HLCS: variants seen among roughly 807,000 people sequenced by gnomAD.
The protein encoded by HLCS is biotin--protein ligase.
A neutral mutation model predicts 75.0 loss-of-function variants in HLCS; 53 were observed. The observed-to-expected ratio is 0.71, with a 90% CI of 0.57 to 0.89. The LOEUF is 0.89. Ranked by LOEUF, HLCS falls within the 40% of genes least tolerant of loss-of-function variation. The probability of loss-of-function intolerance (pLI) is 0.00; values close to 1 mark genes in which losing one functional copy is unlikely to be tolerated. For synonymous variants in HLCS, 431 were observed against 428.6 expected (o/e 1.01, Z -0.07); for missense variants, 966 against 1,074.0 (o/e 0.90, Z 1.41).
At chr21:36,860,410 C>G (rs1052790977) in intron 6 of HLCS, among the ~76,000 whole-genome samples, 2 of 150,224 alleles carry the variant, frequency 1.3e-5, no homozygotes, top group South Asian at 2.1e-4. Context: ...CCCAAACTAG[C>G]CACTAAAAGT....
chr21:36,963,232 GA>G (rs1482566804), intron 1 of HLCS, among the ~76,000 whole-genome samples: 3 of 152,124 alleles, frequency 2.0e-5, no homozygotes, highest in Admixed American at 1.3e-4. Flanking sequence ...AAATTGATTT[GA>G]AAAGGCTTTC....
intron 1 of HLCS, among the ~76,000 whole-genome samples, chr21:36,985,400 A>C (rs1340711092): frequency 6.6e-6 from 1 of 152,204 alleles, no homozygotes; most frequent in African/African-American, 2.4e-5. Context: ...TGGGAGGCCA[A>C]GGCGGGCGGA....
intron 6 of HLCS, among the ~76,000 whole-genome samples, chr21:36,853,914 G>A (rs747791042): frequency 3.3e-5 from 5 of 152,096 alleles, no homozygotes; most frequent in Admixed American, 6.6e-5. Flanking sequence ...TGTTTTTGTT[G>A]TAGAAAAGCA....
rs2063724029 is a variant in HLCS, at chr21:36,870,241, T to A, written c.1892+26619A>T. ...AGCTACCCCTCTGAGAAGCTGCGTC[T>A]GGACCACTGCATCTCCCCGGGAACC... On this transcript the variant is annotated intron_variant, in intron 6 of 10. Coordinates refer to ENST00000674895, the MANE Select transcript of HLCS (RefSeq NM_001352514.2). Among the ~76,000 whole-genome samples, 3 of 152,088 alleles carry A rather than the reference T, an allele frequency of 2.0e-5. 1 individual carries two copies. In the South Asian group the frequency reaches 6.2e-4, roughly 32 times the overall value.
chr21:36,767,797 T>C (rs2090092999), intron 6 of HLCS, among the ~76,000 whole-genome samples: 1 of 152,206 alleles, frequency 6.6e-6, no homozygotes, highest in East Asian at 1.9e-4. Flanking sequence ...CACTATCCCC[T>C]GAGAACTAAT....
At chr21:36,806,754 AAATG>A (rs1304359808) in intron 6 of HLCS, among the ~76,000 whole-genome samples, 9 of 152,234 alleles carry the variant, frequency 5.9e-5, no homozygotes, top group Admixed American at 2.0e-4. Context: ...GCTGTGTAAC[AAATG>A]AACGCAAAAC....
chr21:36,872,217 T>C (rs1351098931), intron 6 of HLCS, among the ~76,000 whole-genome samples: 2 of 152,022 alleles, frequency 1.3e-5, no homozygotes, highest in African/African-American at 2.4e-5. Flanking sequence ...GGTCAGGAGA[T>C]AGAGACCATC....
At chr21:36,988,754 G>A (rs1157748283) in intron 1 of HLCS, among the ~76,000 whole-genome samples, 2 of 152,150 alleles carry the variant, frequency 1.3e-5, no homozygotes, top group Admixed American at 1.3e-4. Context: ...AACCGTGATG[G>A]TATCTCAGAG....
At chr21:36,923,421 T>G (rs1360185714) in intron 5 of HLCS, among the ~76,000 whole-genome samples, 2 of 152,150 alleles carry the variant, frequency 1.3e-5, no homozygotes, top group Non-Finnish European at 2.9e-5. Context: ...CCACGCTTCT[T>G]AGACGGGATG....
At chr21:36,961,903 G>A (rs545001682) in intron 2 of HLCS, 133 bp downstream of exon 2, 62 of 434,226 alleles carry the variant, frequency 1.4e-4, no homozygotes, top group Non-Finnish European at 2.0e-4. Context: ...CCAGTGAGCC[G>A]AGATCACACC....
chr21:36,923,394 A>T (rs1444455545), intron 5 of HLCS, among the ~76,000 whole-genome samples: 1 of 152,166 alleles, frequency 6.6e-6, no homozygotes, highest in African/African-American at 2.4e-5. Flanking sequence ...GGATATAAAT[A>T]GACGGAGGAA....
chr21:36,901,977 G>T (rs184433534), intron 5 of HLCS, among the ~76,000 whole-genome samples: 1 of 152,176 alleles, frequency 6.6e-6, no homozygotes, highest in Non-Finnish European at 1.5e-5. Context: ...GGACAGCAGT[G>T]GGGGGCGGTG....
At chr21:36,849,781 T>C (rs2062924947) in intron 6 of HLCS, among the ~76,000 whole-genome samples, 1 of 152,226 alleles carries the variant, frequency 6.6e-6, no homozygotes, top group Non-Finnish European at 1.5e-5. Context: ...TGCATTTCTT[T>C]TCTGCTTAAG....
intron 6 of HLCS, among the ~76,000 whole-genome samples, chr21:36,860,284 G>A (rs997753346): frequency 6.6e-5 from 10 of 151,700 alleles, no homozygotes; most frequent in African/African-American, 1.5e-4. Flanking sequence ...GTGGCGGGGC[G>A]GGACTCAAGC....
At chr21:36,932,714 T>C (rs912336182) in intron 4 of HLCS, among the ~76,000 whole-genome samples, 1 of 152,194 alleles carries the variant, frequency 6.6e-6, no homozygotes, top group Non-Finnish European at 1.5e-5. Context: ...GCTTCTAGCC[T>C]GATATTATAG....
chr21:36,900,878 G>C (rs1293634971), intron 5 of HLCS, among the ~76,000 whole-genome samples: 1 of 152,180 alleles, frequency 6.6e-6, no homozygotes, highest in Admixed American at 6.5e-5. Flanking sequence ...GGACAGATCT[G>C]CTGCTGGAAA....
rs997126766 is a variant in HLCS at position 36,947,864 on chromosome 21, C to T, written c.331-8870G>A. 8 of 985,318 alleles carry T rather than the reference C, an allele frequency of 8.1e-6. No individual in the cohort carries two copies. The African/African-American group carries it at 1.4e-4, about 17-fold the overall frequency. 61.0% of individuals were successfully genotyped at this position (985,318 alleles called of 1,614,324 possible). A position where few individuals can be genotyped will look rare whatever the true frequency, so the allele number is the denominator to read the frequency against. ...TCAACAACCCACTGGTACCCAGAGT[C>T]AGATCACGGATGCTGCTAATTTTTC... On this transcript the variant is annotated intron_variant, in intron 2 of 10. Coordinates refer to ENST00000674895, the MANE Select transcript of HLCS (RefSeq NM_001352514.2).
intron 4 of HLCS, among the ~76,000 whole-genome samples, chr21:36,935,284 T>G (rs570863537): frequency 6.6e-6 from 1 of 152,252 alleles, no homozygotes; most frequent in African/African-American, 2.4e-5. Context: ...GCAGGAAACC[T>G]GCTTGGGCTG....
At chr21:36,959,371 C>T (rs1392593018) in intron 2 of HLCS, among the ~76,000 whole-genome samples, 2 of 152,174 alleles carry the variant, frequency 1.3e-5, no homozygotes, top group East Asian at 3.8e-4. Context: ...GGAGGGAGGC[C>T]GAGGAGGGGC....
Sources: allele counts gnomAD v4.1 joint callset (sites outside exome capture counted in the v4.1 genomes callset), GRCh38; gene constraint gnomAD v4.1.1; transcripts MANE v1.5; gene names NCBI Gene and HGNC (gene_info 2026-07-23, HGNC 2026-07-21).